The following DMRT1 variants were observed in gnomAD, a reference collection of about 807,000 sequenced individuals.
DMRT1 encodes the protein doublesex and mab-3 related transcription factor 1.
A neutral mutation model predicts 32.3 loss-of-function variants in DMRT1; 7 were observed. That is an observed-to-expected ratio of 0.22 (90% CI 0.12 to 0.41). DMRT1 has a LOEUF of 0.41. Ranked by LOEUF, DMRT1 falls within the 10% of genes least tolerant of loss-of-function variation. DMRT1 has a pLI of 1.00. For missense variants in DMRT1, 625 were observed against 500.5 expected, an observed-to-expected ratio of 1.25 and a Z score of -2.37; for synonymous variants, 278 against 206.1, an observed-to-expected ratio of 1.35 and a Z score of -2.99.
At chr9:908,224 G>A (rs1817848136) in intron 3 of DMRT1, among the ~76,000 whole-genome samples, 1 of 152,138 alleles carries the variant, frequency 6.6e-6, no homozygotes, top group African/African-American at 2.4e-5. Flanking sequence ...GGGGGCCCAA[G>A]GTGAGAGGAT....
chr9:877,503 CT>C (rs1564216938), intron 2 of DMRT1, among the ~76,000 whole-genome samples: 1 of 152,256 alleles, frequency 6.6e-6, no homozygotes, highest in South Asian at 2.1e-4. Flanking sequence ...TAAAGCTGCA[CT>C]TTTTGATGTA....
At chr9:853,995 T>C (rs1324306701) in intron 2 of DMRT1, among the ~76,000 whole-genome samples, 1 of 151,322 alleles carries the variant, frequency 6.6e-6, no homozygotes, top group Non-Finnish European at 1.5e-5. Context: ...GGAGACAGGG[T>C]CTCTTTTTGT....
rs796151301 is a variant in DMRT1, at chr9:936,549, C to T, written c.967+19642C>T. Among the ~76,000 whole-genome samples, 15 of 152,076 alleles carry T rather than the reference C, an allele frequency of 9.9e-5. 1 individual carries two copies. The highest frequency in any genetic ancestry group is 3.4e-4 in the African/African-American group (14 of 41,450). On this transcript the variant is annotated intron_variant, in intron 4 of 4. Transcript: ENST00000382276. ...GGTGGATCACCTGAGGTCAGGAGTT[C>T]GAGACCAGCCTGGCCAACATGGCGA...
chr9:869,274 C>G lies in DMRT1; in HGVS notation c.538+22131C>G, dbSNP rs73639452. Among the ~76,000 whole-genome samples, 244 of 152,258 alleles carry G rather than the reference C, an allele frequency of 1.6e-3. 3 individuals carry two copies. Among genetic ancestry groups the G allele is most frequent in the African/African-American group, 5.5e-3 (227 of 41,542 alleles). ...TGGTGACATGCAATGGAGACCATGC[C>G]AGATCTTAAAGGTGGATGGCATAGA... On this transcript the variant is annotated intron_variant, in intron 2 of 4. Transcript: ENST00000382276.
At chr9:924,926 C>G (rs1274842871) in intron 4 of DMRT1, among the ~76,000 whole-genome samples, 2 of 152,122 alleles carry the variant, frequency 1.3e-5, no homozygotes, top group Non-Finnish European at 2.9e-5. Flanking sequence ...AAAGAGCACC[C>G]CACAAGGCAA....
At chr9:844,722 T>C (rs1297561308) in intron 1 of DMRT1, among the ~76,000 whole-genome samples, 4 of 143,648 alleles carry the variant, frequency 2.8e-5, no homozygotes, top group Admixed American at 6.9e-5. Context: ...TTTCTTTCTT[T>C]TTTTTTTTTT....
chr9:853,990 CAG>C lies in DMRT1; in HGVS notation c.538+6848_538+6849del, dbSNP rs536601003. Among the ~76,000 whole-genome samples, 66 of 151,550 alleles carry C rather than the reference CAG, an allele frequency of 4.4e-4. No individual in the cohort carries two copies. The East Asian group carries it at 0.011, about 25-fold the overall frequency. ...TTTAAAATTTTTCTTTCTGTGGAGA[CAG>C]GGTCTCTTTTTGTTGCCCACGCTGG... On this transcript the variant is annotated intron_variant, in intron 2 of 4. Coordinates refer to ENST00000382276, the MANE Select transcript of DMRT1 (RefSeq NM_021951.3).
chr9:894,288 C>T (rs150585756), intron 3 of DMRT1, 93 bp downstream of exon 3: 17 of 1,383,288 alleles, frequency 1.2e-5, no homozygotes, highest in Non-Finnish European at 1.6e-5. Flanking sequence ...CACACACGCA[C>T]TTGTGCGCCC....
In DMRT1 at chr9:916,849, C is replaced by A. The variant is rs534737562; in HGVS notation, c.909C>A (p.Ser303Arg). The A allele has an allele frequency of 6.2e-7, 1 of 1,614,196 alleles. No individual in the cohort carries two copies. The highest frequency in any genetic ancestry group is 1.1e-5 in the South Asian group (1 of 91,086). The change falls in exon 4 of 5, where the codon AGC (serine) becomes AGA (arginine). Residue 303 changes from serine (S) to arginine (R), a missense_variant. By Grantham distance (110) the Ser-to-Arg change is moderately radical. This residue lies in a region of DMRT1 where 416 missense variants were observed against 321.6 expected (regional missense o/e 1.29). Coordinates refer to ENST00000382276, the MANE Select transcript of DMRT1 (RefSeq NM_021951.3). ...YYPPPSYLGQSVPQFFTFEDA... is the reference protein window; with the variant it reads ...YYPPPSYLGQRVPQFFTFEDA... ...CGCCTCCCTCTTACCTGGGCCAGAG[C>A]GTGCCCCAGTTCTTCACTTTTGAGG... is the stretch of plus-strand genomic sequence containing the variant.
intron 2 of DMRT1, among the ~76,000 whole-genome samples, chr9:850,097 G>A (rs1291011916): frequency 6.6e-6 from 1 of 152,180 alleles, no homozygotes; most frequent in Non-Finnish European, 1.5e-5. Flanking sequence ...GGGATTACAG[G>A]CGTGAGCCAC....
chr9:956,654 G>A (rs1290433745), intron 4 of DMRT1, among the ~76,000 whole-genome samples: 3 of 152,078 alleles, frequency 2.0e-5, no homozygotes, highest in Non-Finnish European at 2.9e-5. Flanking sequence ...GTTCTGCTAT[G>A]TGTATTTTAC....
intron 2 of DMRT1, among the ~76,000 whole-genome samples, chr9:879,002 C>G (rs1456967711): frequency 6.6e-6 from 1 of 152,126 alleles, no homozygotes; most frequent in African/African-American, 2.4e-5. Flanking sequence ...TTCTTAATGC[C>G]TGTTTCATGG....
intron 2 of DMRT1, among the ~76,000 whole-genome samples, chr9:864,665 A>G (rs1297062521): frequency 2.7e-5 from 4 of 150,794 alleles, no homozygotes; most frequent in South Asian, 4.2e-4. Context: ...CGCCTGGCTA[A>G]TTTTTTTTGT....
chr9:958,826 C>T (rs1399452297), intron 4 of DMRT1, among the ~76,000 whole-genome samples: 1 of 152,236 alleles, frequency 6.6e-6, no homozygotes, highest in Non-Finnish European at 1.5e-5. Context: ...AAACCAAGCT[C>T]ATTGGCGCTC....
intron 2 of DMRT1, among the ~76,000 whole-genome samples, chr9:871,499 ATTTTTTTTTTTTT>A (rs56390211): frequency 8.7e-6 from 1 of 115,094 alleles, no homozygotes; most frequent in South Asian, 2.9e-4. Flanking sequence ...CGCCCGGCTA[ATTTTTTTTTTTTT>A]TTTTTTTTTT....
chr9:877,553 A>T (rs999046793), intron 2 of DMRT1, among the ~76,000 whole-genome samples: 1 of 152,242 alleles, frequency 6.6e-6, no homozygotes, highest in South Asian at 2.1e-4. Flanking sequence ...TTTTGAATCC[A>T]TAGGGAATCT....
At chr9:898,563 G>T (rs1817458772) in intron 3 of DMRT1, among the ~76,000 whole-genome samples, 1 of 152,124 alleles carries the variant, frequency 6.6e-6, no homozygotes, top group African/African-American at 2.4e-5. Flanking sequence ...CCTAGGAGAG[G>T]GCAGAGTCGG....
At chr9:857,877 G>T (rs202116705) in intron 2 of DMRT1, among the ~76,000 whole-genome samples, 3 of 148,694 alleles carry the variant, frequency 2.0e-5, no homozygotes, top group African/African-American at 7.4e-5. Context: ...ACATGTGGTG[G>T]TTGGTGTTTT....
At position 902,068 on chromosome 9, in the gene DMRT1, C is replaced by T. The variant is rs141819310; in HGVS notation, c.822+7873C>T. On this transcript the variant is annotated intron_variant, in intron 3 of 4. Coordinates refer to ENST00000382276, the MANE Select transcript of DMRT1 (RefSeq NM_021951.3). ...GGGATTACAGGCGTGCACCACCACG[C>T]CCAGCTAATTTTTGTATTTTTAGTC... Among the ~76,000 whole-genome samples, 6 of 151,896 alleles carry T rather than the reference C, an allele frequency of 4.0e-5. No individual in the cohort carries two copies. In the East Asian group the frequency reaches 1.2e-3, roughly 30 times the overall value.
Sources: gnomAD v4.1 joint callset for allele counts (sites outside exome capture counted in the v4.1 genomes callset) on GRCh38, gnomAD v4.1.1 for gene constraint, gnomAD v4.1.1 regional missense constraint, MANE v1.5 for transcripts, NCBI Gene and HGNC (gene_info 2026-07-23, HGNC 2026-07-21) for gene names.